The following FYB1 variants were observed in gnomAD, a reference collection of about 807,000 sequenced individuals.
FYB1 encodes FYN binding protein 1.
In FYB1, 41 loss-of-function variants were observed where a neutral mutation model predicts 94.1. That is an observed-to-expected ratio of 0.44 (90% CI 0.34 to 0.57). The LOEUF is 0.57. Ranked by LOEUF, FYB1 falls within the 20% of genes least tolerant of loss-of-function variation. The probability of loss-of-function intolerance (pLI) is 0.02; values close to 1 mark genes in which losing one functional copy is unlikely to be tolerated. For synonymous variants in FYB1, 367 were observed against 353.2 expected (o/e 1.04, Z -0.44); for missense variants, 1,050 against 976.8 (o/e 1.07, Z -1.00).
chr5:39,127,719 G>A lies in FYB1; in HGVS notation c.1907+22C>T, dbSNP rs758454015. The A allele has an allele frequency of 6.3e-6, 10 of 1,577,082 alleles. No homozygotes were observed. The East Asian group carries it at 2.1e-4, about 33-fold the overall frequency. ...ATGTATATATAATAATTTGCAAAAA[G>A]CAGTTCACTGATTATTCTTACCCAT... On this transcript the variant is annotated intron_variant, in intron 11 of 18. Transcript: ENST00000512982.
chr5:39,182,560 C>T (rs1387681856), intron 2 of FYB1, among the ~76,000 whole-genome samples: 5 of 152,112 alleles, frequency 3.3e-5, no homozygotes. Context: ...AAGTGTGACC[C>T]ATGCAGGTAC....
At chr5:39,133,441 G>T (rs190869991) in intron 9 of FYB1, among the ~76,000 whole-genome samples, 1 of 152,090 alleles carries the variant, frequency 6.6e-6, no homozygotes, top group Admixed American at 6.6e-5. Context: ...AGGAGAAAGG[G>T]AATGGAAAAG....
chr5:39,138,795 A>G (rs1441731161), intron 5 of FYB1, 104 bp from the exon 6 acceptor site: 12 of 742,872 alleles, frequency 1.6e-5, no homozygotes, highest in Non-Finnish European at 2.8e-5. Flanking sequence ...GTAAATTTTT[A>G]TAATTTGAAC....
intron 4 of FYB1, among the ~76,000 whole-genome samples, chr5:39,140,594 T>C (rs1332729257): frequency 6.6e-6 from 1 of 152,136 alleles, no homozygotes; most frequent in East Asian, 1.9e-4. Flanking sequence ...ATCTTAAGGA[T>C]AAGTCTCTGA....
intron 6 of FYB1, 93 bp downstream of exon 6, chr5:39,138,564 C>T: frequency 3.1e-6 from 2 of 645,578 alleles, no homozygotes; most frequent in Non-Finnish European, 5.3e-6. Flanking sequence ...ATCAAGCTTC[C>T]CTCCTAGTGT....
intron 3 of FYB1, among the ~76,000 whole-genome samples, chr5:39,141,888 A>T (rs9968671): frequency 0.26 from 38,756 of 151,112 alleles, 5,266 homozygotes; most frequent in African/African-American, 0.36. Flanking sequence ...AAAAAAAAAA[A>T]ACTTACATAG....
At chr5:39,257,848 C>A (rs534209128) in intron 1 of FYB1, among the ~76,000 whole-genome samples, 2 of 150,916 alleles carry the variant, frequency 1.3e-5, no homozygotes, top group Non-Finnish European at 2.9e-5. Context: ...CCAGCCAAAT[C>A]AAAATCTCTG....
chr5:39,201,010 C>T (rs1261451935), intron 2 of FYB1, among the ~76,000 whole-genome samples: 1 of 152,162 alleles, frequency 6.6e-6, no homozygotes, highest in Non-Finnish European at 1.5e-5. Flanking sequence ...AAACTATTTA[C>T]CCGAAAGGAG....
At chr5:39,167,314 A>AT (rs1012127257) in intron 2 of FYB1, among the ~76,000 whole-genome samples, 3 of 151,600 alleles carry the variant, frequency 2.0e-5, no homozygotes, top group African/African-American at 4.9e-5. Context: ...GTTTTAAGTT[A>AT]TTTTTTATTA....
chr5:39,227,868 C>A (rs985685519), intron 1 of FYB1, among the ~76,000 whole-genome samples: 5 of 152,158 alleles, frequency 3.3e-5, no homozygotes, highest in Non-Finnish European at 7.3e-5. Flanking sequence ...CCTCCTGATT[C>A]TCTTTATAGA....
chr5:39,180,951 A>ATATATG lies in FYB1; in HGVS notation c.1135+20874_1135+20875insCATATA, dbSNP rs541399640. Among the ~76,000 whole-genome samples the ATATATG allele has an allele frequency of 3.0e-3, 461 of 152,358 alleles. 7 individuals are homozygous for ATATATG. The highest frequency in any genetic ancestry group is 0.01 in the African/African-American group (436 of 41,578). On this transcript the variant is annotated intron_variant, in intron 2 of 18. Transcript: ENST00000512982. ...TTACTTTTCCATATATTTCTGGAACAGAAATTCAGGGATTTGCTCACTCAG... is the reference window on the plus strand; with the variant it reads ...TTACTTTTCCATATATTTCTGGAACATATATGGAAATTCAGGGATTTGCTCACTCAG...
chr5:39,207,840 A>C (rs1208456102), intron 1 of FYB1, among the ~76,000 whole-genome samples: 1 of 152,192 alleles, frequency 6.6e-6, no homozygotes, highest in East Asian at 1.9e-4. Flanking sequence ...TTTTTGACGA[A>C]AATGACCAGC....
intron 1 of FYB1, among the ~76,000 whole-genome samples, chr5:39,217,892 G>A (rs1749992962): frequency 6.6e-6 from 1 of 152,238 alleles, no homozygotes; most frequent in African/African-American, 2.4e-5. Context: ...GGTGGAAAAT[G>A]TGGTTTTTAA....
chr5:39,144,666 G>A (rs1414756928), intron 3 of FYB1, among the ~76,000 whole-genome samples: 1 of 152,122 alleles, frequency 6.6e-6, no homozygotes, highest in Non-Finnish European at 1.5e-5. Context: ...GCCGAGTGTG[G>A]TGGCGGGCGT....
chr5:39,168,804 T>TTCC (rs35398851), intron 2 of FYB1, among the ~76,000 whole-genome samples: 54,021 of 151,748 alleles, frequency 0.36, 11,138 homozygotes, highest in African/African-American at 0.57. Context: ...TTCATATTAA[T>TTCC]TCCTTTTTTC....
intron 1 of FYB1, among the ~76,000 whole-genome samples, chr5:39,234,663 A>G (rs1750881158): frequency 6.6e-6 from 1 of 152,156 alleles, no homozygotes; most frequent in South Asian, 2.1e-4. Context: ...CAATGATAGA[A>G]TGGATAAGGA....
intron 1 of FYB1, among the ~76,000 whole-genome samples, chr5:39,238,634 C>T (rs1561299481): frequency 6.6e-6 from 1 of 152,104 alleles, no homozygotes; most frequent in East Asian, 1.9e-4. Flanking sequence ...GAAAAAAGAG[C>T]CCCAAGCCCT....
chr5:39,222,764 A>C (rs777830820), upstream of FYB1, among the ~76,000 whole-genome samples: 1 of 152,232 alleles, frequency 6.6e-6, no homozygotes, highest in African/African-American at 2.4e-5. Flanking sequence ...TTATTATTAC[A>C]TAATAATAAA....
chr5:39,215,201 C>T (rs925955194), intron 1 of FYB1, among the ~76,000 whole-genome samples: 43 of 151,756 alleles, frequency 2.8e-4, no homozygotes, highest in African/African-American at 8.2e-4. Flanking sequence ...TATATTTTAC[C>T]ATAATTAAAA....
Sources: allele counts gnomAD v4.1 joint callset (sites outside exome capture counted in the v4.1 genomes callset), GRCh38; gene constraint gnomAD v4.1.1; transcripts MANE v1.5; gene names NCBI Gene and HGNC (gene_info 2026-07-23, HGNC 2026-07-21).